RABGAP1L: variants seen among roughly 807,000 people sequenced by gnomAD.
RABGAP1L encodes the protein RAB GTPase activating protein 1 like.
RABGAP1L carries 63 observed loss-of-function variants against 137.7 expected under a neutral mutation model. That is an observed-to-expected ratio of 0.46 (90% CI 0.37 to 0.56). RABGAP1L has a LOEUF of 0.56. Ranked by LOEUF, RABGAP1L falls within the 20% of genes least tolerant of loss-of-function variation. The probability of loss-of-function intolerance (pLI) is 0.00; values close to 1 mark genes in which losing one functional copy is unlikely to be tolerated. For missense variants in RABGAP1L, 1,095 were observed against 1,244.0 expected, an observed-to-expected ratio of 0.88 and a Z score of 1.80; for synonymous variants, 431 against 433.7, an observed-to-expected ratio of 0.99 and a Z score of 0.08.
At chr1:174,929,212 A>G (rs1663317041) in intron 19 of RABGAP1L, among the ~76,000 whole-genome samples, 1 of 152,154 alleles carries the variant, frequency 6.6e-6, no homozygotes, top group Non-Finnish European at 1.5e-5. Flanking sequence ...CTTAAAATAC[A>G]ATAATAATAA....
At chr1:174,187,134 A>G (rs1225528161) in intron 1 of RABGAP1L, among the ~76,000 whole-genome samples, 1 of 152,040 alleles carries the variant, frequency 6.6e-6, no homozygotes, top group Non-Finnish European at 1.5e-5. Context: ...AGATCTTTTG[A>G]GGTCTCTTCT....
At chr1:174,344,862 C>G (rs1382982953) in intron 11 of RABGAP1L, among the ~76,000 whole-genome samples, 1 of 152,120 alleles carries the variant, frequency 6.6e-6, no homozygotes, top group African/African-American at 2.4e-5. Flanking sequence ...TAAATTGTTG[C>G]CCAGACCAAT....
chr1:174,718,810 T>C (rs1681231387), intron 17 of RABGAP1L, among the ~76,000 whole-genome samples: 1 of 150,506 alleles, frequency 6.6e-6, no homozygotes, highest in Non-Finnish European at 1.5e-5. Context: ...AACTCCTTTA[T>C]AGTGTGGTAG....
intron 13 of RABGAP1L, among the ~76,000 whole-genome samples, chr1:174,506,833 T>TA (rs974267030): frequency 6.6e-6 from 1 of 151,740 alleles, no homozygotes; most frequent in Admixed American, 6.6e-5. Flanking sequence ...ATAATAGTAA[T>TA]AAAAAAAACT....
At position 174,337,231 on chromosome 1, in the gene RABGAP1L, T is replaced by G. The variant is rs1681564843; in HGVS notation, c.1465+32104T>G. ...TTAGGGCTGTAGTCTCTTTGAGGCT[T>G]GGGGTGCTCTTCAAAGCTCACATGA... On this transcript the variant is annotated intron_variant, in intron 11 of 25. Coordinates refer to ENST00000681986, the MANE Select transcript of RABGAP1L (RefSeq NM_001366446.1). Among the ~76,000 whole-genome samples the G allele has an allele frequency of 1.3e-5, 2 of 152,110 alleles. 1 individual carries two copies. Among genetic ancestry groups the G allele is most frequent in the South Asian group, 4.1e-4 (2 of 4,826 alleles).
chr1:174,403,695 A>G (rs1193234807), intron 13 of RABGAP1L, among the ~76,000 whole-genome samples: 1 of 152,072 alleles, frequency 6.6e-6, no homozygotes, highest in Non-Finnish European at 1.5e-5. Context: ...AATTTAATAC[A>G]TGTGTTAGGT....
At chr1:174,406,100 AT>A (rs1649237525) in intron 13 of RABGAP1L, among the ~76,000 whole-genome samples, 2 of 152,050 alleles carry the variant, frequency 1.3e-5, no homozygotes, top group African/African-American at 4.8e-5. Context: ...CTTATGGTTA[AT>A]TTTTTTACAG....
chr1:174,305,408 A>G (rs565785284), intron 11 of RABGAP1L, among the ~76,000 whole-genome samples: 16 of 152,116 alleles, frequency 1.1e-4, no homozygotes, highest in Admixed American at 9.8e-4. Flanking sequence ...TTTTCTTGAG[A>G]TAGAGTCTCC....
intron 15 of RABGAP1L, among the ~76,000 whole-genome samples, chr1:174,685,898 T>C (rs1392781622): frequency 6.6e-6 from 1 of 152,160 alleles, no homozygotes; most frequent in African/African-American, 2.4e-5. Context: ...GAGTTCAGGA[T>C]ATTCTTGGGA....
At chr1:174,290,784 T>C (rs1676520828) in intron 10 of RABGAP1L, among the ~76,000 whole-genome samples, 1 of 151,166 alleles carries the variant, frequency 6.6e-6, no homozygotes, top group Non-Finnish European at 1.5e-5. Context: ...TTTTTGAGAC[T>C]GAGTTTCGCT....
At chr1:174,701,577 A>G (rs1350488704) in intron 16 of RABGAP1L, among the ~76,000 whole-genome samples, 2 of 151,988 alleles carry the variant, frequency 1.3e-5, no homozygotes, top group Non-Finnish European at 2.9e-5. Context: ...CACTGTCTCT[A>G]GTAAAAAATA....
intron 13 of RABGAP1L, among the ~76,000 whole-genome samples, chr1:174,466,713 G>C (rs1657333724): frequency 6.6e-6 from 1 of 152,178 alleles, no homozygotes; most frequent in African/African-American, 2.4e-5. Context: ...CTTTAATCTG[G>C]AAGGCGGAGG....
At chr1:174,233,265 A>AT (rs1670841625) in intron 4 of RABGAP1L, among the ~76,000 whole-genome samples, 1 of 109,094 alleles carries the variant, frequency 9.2e-6, no homozygotes, top group African/African-American at 5.3e-5. Context: ...ATATGAAGAT[A>AT]ATTTTTTTTT....
At chr1:174,905,259 C>T (rs939496808) in intron 19 of RABGAP1L, among the ~76,000 whole-genome samples, 3 of 152,148 alleles carry the variant, frequency 2.0e-5, no homozygotes, top group Non-Finnish European at 4.4e-5. Context: ...CATGACCTTT[C>T]CAAAGAGACA....
At chr1:174,623,163 G>A (rs1672667735) in intron 13 of RABGAP1L, among the ~76,000 whole-genome samples, 1 of 152,158 alleles carries the variant, frequency 6.6e-6, no homozygotes, top group Non-Finnish European at 1.5e-5. Flanking sequence ...AATTAACACA[G>A]TCTTGAGGAA....
intron 6 of RABGAP1L, 46 bp from the exon 7 acceptor site, chr1:174,252,434 A>G: frequency 6.3e-7 from 1 of 1,585,360 alleles, no homozygotes; most frequent in African/African-American, 1.4e-5. Context: ...TTATTTTATC[A>G]TTTTATTAGA....
chr1:174,854,893 G>A (rs1006111125), intron 19 of RABGAP1L, among the ~76,000 whole-genome samples: 6 of 151,072 alleles, frequency 4.0e-5, no homozygotes, highest in Admixed American at 1.3e-4. Flanking sequence ...ACGTACCACC[G>A]CATCTGGCTA....
chr1:174,294,121 A>C (rs933874635), intron 10 of RABGAP1L, among the ~76,000 whole-genome samples: 1 of 152,220 alleles, frequency 6.6e-6, no homozygotes, highest in Admixed American at 6.5e-5. Flanking sequence ...CATAGTGAAT[A>C]AATACTAATT....
At chr1:174,957,873 A>T in intron 20 of RABGAP1L, 1 of 1,564,694 alleles carries the variant, frequency 6.4e-7, no homozygotes, top group Non-Finnish European at 8.7e-7. Flanking sequence ...GCCAACCATA[A>T]TATTTCTTTT....
Sources: gnomAD v4.1 joint callset for allele counts (sites outside exome capture counted in the v4.1 genomes callset) on GRCh38, gnomAD v4.1.1 for gene constraint, MANE v1.5 for transcripts, NCBI Gene and HGNC (gene_info 2026-07-23, HGNC 2026-07-21) for gene names.